HOOK1: variants seen among roughly 807,000 people sequenced by gnomAD.
HOOK1 encodes the protein protein Hook homolog 1.
HOOK1 carries 60 observed loss-of-function variants against 112.8 expected under a neutral mutation model. The ratio of observed to expected loss-of-function variants is 0.53; its 90% confidence interval spans 0.43 to 0.66. The LOEUF (loss-of-function observed/expected upper bound fraction) is 0.66, where lower values mean the gene tolerates loss of function less well. Ranked by LOEUF, HOOK1 falls within the 30% of genes least tolerant of loss-of-function variation. The pLI is 0.00. For missense variants in HOOK1, 770 were observed against 856.0 expected (o/e 0.90, Z 1.25); for synonymous variants, 294 against 283.8 (o/e 1.04, Z -0.36).
At chr1:59,869,231 G>A (rs751785279) in intron 20 of HOOK1, among the ~76,000 whole-genome samples, 46 of 149,294 alleles carry the variant, frequency 3.1e-4, no homozygotes, top group Non-Finnish European at 4.3e-4. Flanking sequence ...TTGCTCTGTC[G>A]CCCAGGCTGG....
At chr1:59,817,657 T>C (rs1034247788) in intron 1 of HOOK1, among the ~76,000 whole-genome samples, 1 of 152,184 alleles carries the variant, frequency 6.6e-6, no homozygotes, top group African/African-American at 2.4e-5. Flanking sequence ...GCATCAGGGA[T>C]TTTTTTCCCT....
chr1:59,859,213 T>G (rs553147586), intron 14 of HOOK1, among the ~76,000 whole-genome samples, 168 bp downstream of exon 14: 1 of 152,238 alleles, frequency 6.6e-6, no homozygotes, highest in East Asian at 1.9e-4. Context: ...CCACAACAAT[T>G]TAAAATTTTA....
chr1:59,821,747 A>G (rs768768445), intron 1 of HOOK1, 111 bp from the exon 2 acceptor site: 25 of 703,944 alleles, frequency 3.6e-5, no homozygotes, highest in Non-Finnish European at 5.7e-5. Flanking sequence ...AAACAGGACC[A>G]TGTTTTTTTT....
Position 59,815,032 on chromosome 1 carries a change from G to T in HOOK1, c.-86G>T. 1 of 1,353,104 alleles carries T rather than the reference G, an allele frequency of 7.4e-7. No individual in the cohort carries two copies. Among genetic ancestry groups the T allele is most frequent in the South Asian group, 1.3e-5 (1 of 79,734 alleles). 83.8% of individuals were successfully genotyped at this position (1,353,104 alleles called of 1,614,324 possible). On this transcript the variant is annotated 5_prime_UTR_variant, in exon 1 of 22. Coordinates refer to ENST00000371208, the MANE Select transcript of HOOK1 (RefSeq NM_015888.6). ...TGGTACCGAGCTTTCCTGGGGGCTA[G>T]CAGGTCGTGGACGCCGGCTCCTGGA... is the stretch of plus-strand genomic sequence containing the variant.
At chr1:59,846,578 CCTTCCTT>C (rs2098404064) in intron 9 of HOOK1, among the ~76,000 whole-genome samples, 4 of 69,382 alleles carry the variant, frequency 5.8e-5, no homozygotes, top group Non-Finnish European at 9.0e-5. Context: ...TTCCTTCCTT[CCTTCCTT>C]CCTCCCTCCT....
intron 2 of HOOK1, among the ~76,000 whole-genome samples, chr1:59,824,070 C>G (rs1220940098): frequency 2.0e-5 from 3 of 152,164 alleles, no homozygotes; most frequent in Non-Finnish European, 2.9e-5. Flanking sequence ...AGTTTTGGAA[C>G]TTTTCAGAAG....
At chr1:59,854,619 G>C (rs916395400) in intron 12 of HOOK1, among the ~76,000 whole-genome samples, 2 of 151,848 alleles carry the variant, frequency 1.3e-5, no homozygotes, top group Admixed American at 1.3e-4. Context: ...TCATCCTACT[G>C]TGTTATGGCC....
At chr1:59,834,078 A>C (rs2098395919) in intron 5 of HOOK1, among the ~76,000 whole-genome samples, 1 of 152,132 alleles carries the variant, frequency 6.6e-6, no homozygotes, top group East Asian at 1.9e-4. Flanking sequence ...AAAGGATCAT[A>C]TTTGGTTGCA....
rs375102196 is a variant in HOOK1 at position 59,843,464 on chromosome 1, G to C, written c.654G>C (p.Leu218=). Residue 218 remains leucine (L), a synonymous_variant, in exon 9 of 22, where the codon CTG becomes CTC. Coordinates refer to ENST00000371208, the MANE Select transcript of HOOK1 (RefSeq NM_015888.6). ...CACTTCAAGATGAAAAGAATTCACT[G>C]GTTTCTGAAAATGAGATGATGAATG... ...VTTLQDEKNS[L]VSENEMMNEK... 1.2e-6 allele frequency: 2 copies of C among 1,609,938 alleles called. No homozygotes were observed. Among genetic ancestry groups the C allele is most frequent in the Non-Finnish European group, 8.5e-7 (1 of 1,178,128 alleles).
Position 59,848,447 on chromosome 1 carries a change from A to G in HOOK1, c.1062A>G (p.Thr354=), listed in dbSNP as rs1295426656. 1.9e-6 allele frequency: 3 copies of G among 1,610,780 alleles called. No homozygotes were observed. The highest frequency in any genetic ancestry group is 2.5e-6 in the Non-Finnish European group (3 of 1,177,634). Residue 354 remains threonine, a synonymous_variant, in exon 11 of 22, where the codon ACA becomes ACG. Coordinates refer to ENST00000371208, the MANE Select transcript of HOOK1 (RefSeq NM_015888.6). The stretch of plus-strand genomic sequence containing the variant: ...CCAACATGATGTATATGCATAATAC[A>G]GTCAGCTTAGAAGAAGAATTAAAAA... ...QETNMMYMHN[T]VSLEEELKKA... is the part of the protein sequence containing the mutation.
At position 59,835,463 on chromosome 1, in the gene HOOK1, CA is replaced by C. The variant is rs765755795; in HGVS notation, c.474+55del. The stretch of plus-strand genomic sequence containing the variant: ...TATAAAAATCCTAAACCAAATTATA[CA>C]AAACTTTTCATACTTTATGCTTTTC... On this transcript the variant is annotated intron_variant, in intron 6 of 21. Coordinates refer to ENST00000371208, the MANE Select transcript of HOOK1 (RefSeq NM_015888.6). 1.3e-5 allele frequency: 13 copies of C among 1,002,256 alleles called. No individual in the cohort carries two copies. The African/African-American group carries it at 2.0e-4, about 15-fold the overall frequency. The allele number at this position is 1,002,256 out of a possible 1,614,324, so 62.1% of individuals were successfully genotyped here.
Position 59,872,668 on chromosome 1 carries a change from T to C in HOOK1, c.2017-127T>C, listed in dbSNP as rs972883362. The C allele has an allele frequency of 3.0e-5, 16 of 528,670 alleles. No homozygotes were observed. The African/African-American group carries it at 3.1e-4, about 10-fold the overall frequency. The allele number at this position is 528,670 out of a possible 1,614,324, so 32.7% of individuals were successfully genotyped here. A position where few individuals can be genotyped will look rare whatever the true frequency, so the allele number is the denominator to read the frequency against. On this transcript the variant is annotated intron_variant, in intron 21 of 21. Transcript: ENST00000371208. ...TTAATCAGCTTCTGAACCCTTATTT[T>C]CTATAAAAATGAGGAAAGCCTTAGC...
At chr1:59,865,274 C>T (rs1461815915) in intron 18 of HOOK1, 29 bp downstream of exon 18, 3 of 1,346,528 alleles carry the variant, frequency 2.2e-6, no homozygotes, top group Non-Finnish European at 3.2e-6. Context: ...TTGGATCAGA[C>T]AACAGTATAT....
intron 9 of HOOK1, 29 bp downstream of exon 9, chr1:59,843,627 G>A (rs2098402174): frequency 1.3e-6 from 2 of 1,565,124 alleles, no homozygotes; most frequent in African/African-American, 2.7e-5. Flanking sequence ...ATCATTTTAT[G>A]GAGTTCTGTC....
intron 15 of HOOK1, among the ~76,000 whole-genome samples, chr1:59,860,595 T>G (rs541096291): frequency 6.6e-6 from 1 of 152,192 alleles, no homozygotes; most frequent in African/African-American, 2.4e-5. Flanking sequence ...ATTCTTTTTA[T>G]TCTTTTTGAG....
At chr1:59,839,283 T>C (rs1335758560) in intron 7 of HOOK1, among the ~76,000 whole-genome samples, 1 of 152,196 alleles carries the variant, frequency 6.6e-6, no homozygotes, top group Non-Finnish European at 1.5e-5. Flanking sequence ...ATAAATTACC[T>C]TGGGCAGTAT....
At chr1:59,820,530 T>C (rs1288744134) in intron 1 of HOOK1, among the ~76,000 whole-genome samples, 2 of 152,214 alleles carry the variant, frequency 1.3e-5, no homozygotes, top group Non-Finnish European at 2.9e-5. Flanking sequence ...TCTGTACTTT[T>C]ATCATATTCC....
chr1:59,854,028 ATATATATATATTTTTTTT>A (rs2098408939), intron 12 of HOOK1, among the ~76,000 whole-genome samples: 1 of 23,404 alleles, frequency 4.3e-5, no homozygotes, highest in African/African-American at 2.1e-4. Flanking sequence ...ATATATATAT[ATATATATATATTTTTTTT>A]TTTTTTTTTT....
intron 2 of HOOK1, 27 bp from the exon 3 acceptor site, chr1:59,828,753 T>C (rs755590743): frequency 4.4e-6 from 7 of 1,601,622 alleles, no homozygotes; most frequent in Non-Finnish European, 6.0e-6. Flanking sequence ...ATTTTCATCT[T>C]TAGTATTTTT....
Sources: allele counts gnomAD v4.1 joint callset (sites outside exome capture counted in the v4.1 genomes callset), GRCh38; gene constraint gnomAD v4.1.1; transcripts MANE v1.5; gene names NCBI Gene and HGNC (gene_info 2026-07-23, HGNC 2026-07-21).